Variants in ELMO1 observed in about 807,000 individuals in gnomAD.
The protein encoded by ELMO1 is engulfment and cell motility 1.
A neutral mutation model predicts 98.9 loss-of-function variants in ELMO1; 26 were observed. That is an observed-to-expected ratio of 0.26 (90% CI 0.19 to 0.36). ELMO1 has a LOEUF of 0.36. Among genes scored for constraint, ELMO1 ranks in the 10% least tolerant of loss-of-function variants. ELMO1 has a pLI of 1.00. For missense variants in ELMO1, 627 were observed against 935.2 expected (o/e 0.67, Z 4.30); for synonymous variants, 346 against 346.0 (o/e 1.00, Z 0.00).
At chr7:37,046,726 C>G (rs975024830) in intron 15 of ELMO1, among the ~76,000 whole-genome samples, 1 of 152,160 alleles carries the variant, frequency 6.6e-6, no homozygotes, top group African/African-American at 2.4e-5. Flanking sequence ...GTGTATCTTG[C>G]ATCAGATTTT....
intron 13 of ELMO1, among the ~76,000 whole-genome samples, chr7:37,161,896 A>G: frequency 8.8e-6 from 1 of 113,396 alleles, no homozygotes; most frequent in East Asian, 2.5e-4. Context: ...GAAAGCCTTC[A>G]GGTAATCAAA....
chr7:36,905,057 C>G (rs899845747), intron 16 of ELMO1, among the ~76,000 whole-genome samples: 1 of 152,194 alleles, frequency 6.6e-6, no homozygotes, highest in Admixed American at 6.5e-5. Context: ...ATAAACATGT[C>G]AAGCAAGTCA....
At chr7:37,154,223 G>C (rs1788570261) in intron 13 of ELMO1, among the ~76,000 whole-genome samples, 1 of 152,178 alleles carries the variant, frequency 6.6e-6, no homozygotes, top group African/African-American at 2.4e-5. Flanking sequence ...AGAACAGAAA[G>C]GCTGAAAATT....
At chr7:37,157,453 A>G (rs1788863679) in intron 13 of ELMO1, among the ~76,000 whole-genome samples, 1 of 152,236 alleles carries the variant, frequency 6.6e-6, no homozygotes, top group Admixed American at 6.5e-5. Flanking sequence ...TAAGCTGATA[A>G]GCAACTTCAG....
At chr7:37,447,367 C>T (rs550898851) in intron 1 of ELMO1, among the ~76,000 whole-genome samples, 1 of 152,054 alleles carries the variant, frequency 6.6e-6, no homozygotes, top group Non-Finnish European at 1.5e-5. Context: ...GAATTAGGCC[C>T]GAATCATTCA....
chr7:37,008,633 T>A (rs924478436), intron 16 of ELMO1, among the ~76,000 whole-genome samples: 3 of 152,174 alleles, frequency 2.0e-5, no homozygotes, highest in African/African-American at 7.2e-5. Flanking sequence ...TTACAGTAAT[T>A]ACTTCAATTT....
intron 13 of ELMO1, among the ~76,000 whole-genome samples, chr7:37,172,232 C>T (rs1790213183): frequency 6.6e-6 from 1 of 151,920 alleles, no homozygotes. Context: ...TCTGTTCCTC[C>T]CCTTCGTTGA....
intron 1 of ELMO1, among the ~76,000 whole-genome samples, chr7:37,344,172 C>T (rs4723638): frequency 0.71 from 107,125 of 151,554 alleles, 38,067 homozygotes; most frequent in African/African-American, 0.76. Flanking sequence ...GCTGGGATTA[C>T]AGACGCACAC....
intron 4 of ELMO1, among the ~76,000 whole-genome samples, chr7:37,303,850 T>A (rs752417419): frequency 1.3e-5 from 2 of 152,232 alleles, no homozygotes; most frequent in East Asian, 3.8e-4. Context: ...TTACCAAGCA[T>A]AAGCTAGGGA....
Position 36,855,261 on chromosome 7 carries a change from G to C in ELMO1, c.*290C>G, listed in dbSNP as rs767730959. The C allele has an allele frequency of 3.8e-5, 17 of 443,818 alleles. No homozygotes were observed. The highest frequency in any genetic ancestry group is 6.7e-5 in the Non-Finnish European group (16 of 240,130). The allele number at this position is 443,818 out of a possible 1,614,324, so 27.5% of individuals were successfully genotyped here. On this transcript the variant is annotated 3_prime_UTR_variant, in exon 22 of 22. Transcript: ENST00000310758. The surrounding 1 kb of genome is among the most constrained non-coding windows in gnomAD (Gnocchi z 4.2). ...ATGCCTGCAGAGGGCTAGGATGGAA[G>C]GGCCCTTTGGCCTTCTTACTGGCAG...
chr7:37,313,729 G>C (rs1462367661), intron 4 of ELMO1, among the ~76,000 whole-genome samples: 1 of 152,100 alleles, frequency 6.6e-6, no homozygotes, highest in African/African-American at 2.4e-5. Context: ...CTAAGGGGAA[G>C]TAGAACCCTT....
At chr7:37,073,751 AATTTT>A (rs1797409733) in intron 15 of ELMO1, among the ~76,000 whole-genome samples, 1 of 151,882 alleles carries the variant, frequency 6.6e-6, no homozygotes, top group East Asian at 1.9e-4. Context: ...ATGTCCAGGT[AATTTT>A]ATTTTATTTT....
chr7:37,163,966 T>C (rs1354228359), intron 13 of ELMO1, among the ~76,000 whole-genome samples: 1 of 152,234 alleles, frequency 6.6e-6, no homozygotes, highest in Non-Finnish European at 1.5e-5. Flanking sequence ...AGTGTAATAG[T>C]GTTCCTATTT....
At chr7:36,999,768 T>C (rs1212502844) in intron 16 of ELMO1, among the ~76,000 whole-genome samples, 2 of 152,146 alleles carry the variant, frequency 1.3e-5, no homozygotes, top group African/African-American at 4.8e-5. Context: ...CTCCATGTCA[T>C]CTTTGTGTGT....
At chr7:37,086,796 A>AAAGTTTTAAAAATATATTTT (rs1783814345) in intron 15 of ELMO1, among the ~76,000 whole-genome samples, 1 of 151,828 alleles carries the variant, frequency 6.6e-6, no homozygotes, top group African/African-American at 2.4e-5. Context: ...CCAAAAAAAA[A>AAAGTTTTAAAAATATATTTT]TATCAATTCT....
chr7:37,276,483 C>T (rs966968351), intron 4 of ELMO1, among the ~76,000 whole-genome samples: 5 of 152,122 alleles, frequency 3.3e-5, no homozygotes, highest in South Asian at 2.1e-4. Context: ...TGGTGGCAGG[C>T]GCCTGTAGTC....
rs1036956997 is a variant in ELMO1, at chr7:36,891,910, C to T, written c.1601+2944G>A. ...CCTCTCCAGCATAGTGTTAAATGATCGATTTTTGGACTATTCAAGCTTTTT... is the reference window on the plus strand; with the variant it reads ...CCTCTCCAGCATAGTGTTAAATGATTGATTTTTGGACTATTCAAGCTTTTT... On this transcript the variant is annotated intron_variant, in intron 17 of 21. Coordinates refer to ENST00000310758, the MANE Select transcript of ELMO1 (RefSeq NM_014800.11). Among the ~76,000 whole-genome samples the T allele has an allele frequency of 4.6e-5, 7 of 152,038 alleles. No individual in the cohort carries two copies. In the South Asian group the frequency reaches 1.0e-3, roughly 23 times the overall value.
chr7:37,448,122 A>G (rs1271905195), intron 1 of ELMO1, among the ~76,000 whole-genome samples: 1 of 150,252 alleles, frequency 6.7e-6, no homozygotes, highest in Non-Finnish European at 1.5e-5. Flanking sequence ...CCTCTGGCCC[A>G]TCACCGCCCC....
chr7:37,333,077 T>G (rs887240685), intron 2 of ELMO1, among the ~76,000 whole-genome samples: 1 of 152,154 alleles, frequency 6.6e-6, no homozygotes, highest in Non-Finnish European at 1.5e-5. Flanking sequence ...ATGAATGCAT[T>G]TGATGGAAAG....
Sources: gnomAD v4.1 joint callset for allele counts (sites outside exome capture counted in the v4.1 genomes callset) on GRCh38, gnomAD v4.1.1 for gene constraint, Gnocchi (gnomAD v3.1) non-coding constraint, MANE v1.5 for transcripts, NCBI Gene and HGNC (gene_info 2026-07-23, HGNC 2026-07-21) for gene names.